The following THRAP3 variants were observed in gnomAD, a reference collection of about 807,000 sequenced individuals.
THRAP3 encodes thyroid hormone receptor associated protein 3.
THRAP3 carries 16 observed loss-of-function variants against 101.0 expected under a neutral mutation model. The ratio of observed to expected loss-of-function variants is 0.16; its 90% confidence interval spans 0.11 to 0.24. The LOEUF (loss-of-function observed/expected upper bound fraction) is 0.24. THRAP3 is among the 10% of genes least tolerant of loss of function. THRAP3 has a pLI of 1.00. For synonymous variants in THRAP3, 407 were observed against 422.6 expected, an observed-to-expected ratio of 0.96 and a Z score of 0.45; for missense variants, 989 against 1,202.7, an observed-to-expected ratio of 0.82 and a Z score of 2.63.
chr1:36,275,780 G>A (rs1392808105), intron 2 of THRAP3, among the ~76,000 whole-genome samples: 1 of 151,962 alleles, frequency 6.6e-6, no homozygotes, highest in African/African-American at 2.4e-5. Flanking sequence ...CCAACACTTG[G>A]GAGGCCGAGG....
chr1:36,294,357 A>G (rs188965712), intron 8 of THRAP3: 1 of 425,448 alleles, frequency 2.4e-6, no homozygotes. Context: ...GACTGTTTTT[A>G]AACAGCTGGT....
At chr1:36,232,427 C>G (rs1167898603) in intron 1 of THRAP3, among the ~76,000 whole-genome samples, 2 of 152,092 alleles carry the variant, frequency 1.3e-5, no homozygotes, top group African/African-American at 4.8e-5. Context: ...TTTCTTGACT[C>G]CTCTATAATA....
intron 1 of THRAP3, among the ~76,000 whole-genome samples, chr1:36,257,091 T>C (rs1645385683): frequency 6.6e-6 from 1 of 152,140 alleles, no homozygotes; most frequent in Non-Finnish European, 1.5e-5. Context: ...GCCACCGCGC[T>C]TGGCCAACAT....
intron 2 of THRAP3, among the ~76,000 whole-genome samples, chr1:36,278,142 G>A (rs10737166): frequency 0.88 from 131,821 of 148,970 alleles, 60,634 homozygotes; most frequent in Non-Finnish European, 1. Context: ...TTCGCTCACT[G>A]CAACTTCCAC....
Position 36,229,730 on chromosome 1 carries a change from G to A in THRAP3, c.-135+5225G>A, listed in dbSNP as rs184693145. 2.6e-3 allele frequency among the ~76,000 whole-genome samples: 395 copies of A among 152,076 alleles called. 1 individual carries two copies. The highest frequency in any genetic ancestry group is 8.4e-3 in the African/African-American group (350 of 41,474). ...TGCAGTGGCGCAATCTCAGCTCACC[G>A]CAACCTCTGCCTCCTGGGTTCAAGT... is the stretch of plus-strand genomic sequence containing the variant. On this transcript the variant is annotated intron_variant, in intron 1 of 11. Coordinates refer to ENST00000354618, the MANE Select transcript of THRAP3 (RefSeq NM_005119.4).
At chr1:36,209,915 G>T in the THRAP3 span, among the ~76,000 whole-genome samples, 1 of 152,212 alleles carries the variant, frequency 6.6e-6, no homozygotes, top group East Asian at 1.9e-4. Flanking sequence ...AAAAAGAGTG[G>T]CAACAGTTAG....
In THRAP3 at chr1:36,267,938, G is replaced by C. The variant is rs12726228; in HGVS notation, c.-32+8454G>C. ...CTCACGCCTGTAATCCTAGTACTTT[G>C]GGAGGCCGAGGCAGATGGATCACTT... is the stretch of plus-strand genomic sequence containing the variant. On this transcript the variant is annotated intron_variant, in intron 2 of 11. Transcript: ENST00000354618. 7.3e-4 allele frequency among the ~76,000 whole-genome samples: 12 copies of C among 16,430 alleles called. 1 individual carries two copies. The highest frequency in any genetic ancestry group is 1.4e-3 in the Admixed American group (1 of 698). The allele number at this position is 16,430 out of a possible 152,430, so 10.8% of individuals were successfully genotyped here. A position where few individuals can be genotyped will look rare whatever the true frequency, so the allele number is the denominator to read the frequency against.
chr1:36,234,344 C>T (rs1645061791), intron 1 of THRAP3, among the ~76,000 whole-genome samples: 1 of 152,138 alleles, frequency 6.6e-6, no homozygotes, highest in African/African-American at 2.4e-5. Context: ...CCTGGTGGGG[C>T]AGGGAGGTGT....
intron 2 of THRAP3, among the ~76,000 whole-genome samples, chr1:36,282,087 A>AT (rs397760717): frequency 0.086 from 12,802 of 148,906 alleles, 759 homozygotes; most frequent in Middle Eastern, 0.24. Context: ...GAAAAAAAAA[A>AT]TTTTTTTTTT....
intron 1 of THRAP3, among the ~76,000 whole-genome samples, chr1:36,228,874 C>T (rs1644992668): frequency 6.6e-6 from 1 of 152,080 alleles, no homozygotes; most frequent in African/African-American, 2.4e-5. Context: ...GTGGCTCATG[C>T]TTATAATCCC....
chr1:36,278,157 T>G (rs1343206381), intron 2 of THRAP3, among the ~76,000 whole-genome samples: 1 of 150,680 alleles, frequency 6.6e-6, no homozygotes, highest in African/African-American at 2.4e-5. Flanking sequence ...TTCCACCTCC[T>G]GGGTTCAAGT....
At chr1:36,247,150 C>G (rs1240008653) in intron 1 of THRAP3, among the ~76,000 whole-genome samples, 5 of 151,842 alleles carry the variant, frequency 3.3e-5, no homozygotes, top group African/African-American at 1.2e-4. Context: ...AACCCTGTTT[C>G]TACTAAAGAT....
At chr1:36,261,863 G>A (rs996367047) in intron 2 of THRAP3, among the ~76,000 whole-genome samples, 2 of 152,178 alleles carry the variant, frequency 1.3e-5, no homozygotes, top group African/African-American at 4.8e-5. Context: ...AGACATCTCC[G>A]CTGCTCCCCC....
chr1:36,291,937 C>A (rs1417214512), intron 6 of THRAP3, among the ~76,000 whole-genome samples: 2 of 152,068 alleles, frequency 1.3e-5, no homozygotes, highest in East Asian at 1.9e-4. Flanking sequence ...TGGGGTTGGG[C>A]AAGTTAGGGA....
chr1:36,294,610 T>C (rs1463265979), intron 8 of THRAP3, among the ~76,000 whole-genome samples: 1 of 152,250 alleles, frequency 6.6e-6, no homozygotes, highest in Non-Finnish European at 1.5e-5. Flanking sequence ...CAGATGGTTA[T>C]TCCAATGCTG....
chr1:36,243,123 G>GAATAAGAT (rs1332845311), intron 1 of THRAP3, among the ~76,000 whole-genome samples: 1 of 144,122 alleles, frequency 6.9e-6, no homozygotes, highest in Non-Finnish European at 1.5e-5. Flanking sequence ...AGTGGTTTGG[G>GAATAAGAT]AATAAGATGC....
At chr1:36,254,318 A>G (rs182496531) in intron 1 of THRAP3, among the ~76,000 whole-genome samples, 120 of 152,318 alleles carry the variant, frequency 7.9e-4, no homozygotes, top group African/African-American at 2.6e-3. Context: ...GGTAAGATCA[A>G]TGTATGTTAT....
intron 2 of THRAP3, among the ~76,000 whole-genome samples, chr1:36,276,300 G>A (rs1645659524): frequency 6.6e-6 from 1 of 150,790 alleles, no homozygotes; most frequent in Non-Finnish European, 1.5e-5. Context: ...CCAGGCAGGC[G>A]GGTCATGAGG....
At chr1:36,229,474 AT>A (rs1410348581) in intron 1 of THRAP3, among the ~76,000 whole-genome samples, 3 of 145,258 alleles carry the variant, frequency 2.1e-5, no homozygotes, top group South Asian at 2.2e-4. Flanking sequence ...TGCTGTAGAA[AT>A]TTTAGTTTCT....
Sources: gnomAD v4.1 joint callset for allele counts (sites outside exome capture counted in the v4.1 genomes callset) on GRCh38, gnomAD v4.1.1 for gene constraint, MANE v1.5 for transcripts, NCBI Gene and HGNC (gene_info 2026-07-23, HGNC 2026-07-21) for gene names.